CLEC16A: variants seen among roughly 807,000 people sequenced by gnomAD.
The protein encoded by CLEC16A is protein CLEC16A.
CLEC16A carries 51 observed loss-of-function variants against 109.5 expected under a neutral mutation model. The observed-to-expected ratio is 0.47, with a 90% CI of 0.37 to 0.59. The LOEUF (loss-of-function observed/expected upper bound fraction) is 0.59. Ranked by LOEUF, CLEC16A falls within the 20% of genes least tolerant of loss-of-function variation. The probability of loss-of-function intolerance (pLI) is 0.00; values close to 1 mark genes in which losing one functional copy is unlikely to be tolerated. For missense variants in CLEC16A, 1,339 were observed against 1,394.0 expected (o/e 0.96, Z 0.63); for synonymous variants, 673 against 564.2 (o/e 1.19, Z -2.73).
chr16:11,032,473 G>A (rs943096340), intron 13 of CLEC16A, among the ~76,000 whole-genome samples: 16 of 152,390 alleles, frequency 1.0e-4, no homozygotes, highest in South Asian at 6.2e-4. Flanking sequence ...CTTGCTGAGC[G>A]CTTGCCAGGG....
chr16:11,112,657 C>T (rs2051675905), intron 19 of CLEC16A, among the ~76,000 whole-genome samples: 1 of 152,136 alleles, frequency 6.6e-6, no homozygotes, highest in Non-Finnish European at 1.5e-5. Context: ...AGACCTATCT[C>T]AGTCAATACA....
At chr16:11,094,592 T>G (rs892960036) in intron 19 of CLEC16A, among the ~76,000 whole-genome samples, 2 of 152,240 alleles carry the variant, frequency 1.3e-5, no homozygotes, top group African/African-American at 4.8e-5. Flanking sequence ...GCTCCTTTCT[T>G]AAGAACTGAC....
At chr16:10,965,319 TTTTA>T (rs1224405678) in intron 3 of CLEC16A, among the ~76,000 whole-genome samples, 2 of 152,268 alleles carry the variant, frequency 1.3e-5, no homozygotes, top group Non-Finnish European at 2.9e-5. Flanking sequence ...AGACCTTTGC[TTTTA>T]TTTTTGTTTT....
rs2068264190 is a variant in CLEC16A at position 11,166,439 on chromosome 16, C to A, written c.2693C>A (p.Ser898Ter). 6.2e-7 allele frequency: 1 copy of A among 1,607,198 alleles called. No homozygotes were observed. Among genetic ancestry groups the A allele is most frequent in the African/African-American group, 1.3e-5 (1 of 74,934 alleles). ...CAGCACAGCTCCCCGTCCCTGTCCT[C>A]ACAGTCGCCACCCTCCGCCAGCGGG... ...INQHSSPSLS[S>*]QSPPSASGSP... The change falls in exon 23 of 24, where the codon TCA becomes TAA. Residue 898 changes from serine to a stop codon, truncating the protein, a stop_gained. Transcript: ENST00000409790. LOFTEE classifies it high-confidence loss of function.
intron 2 of CLEC16A, among the ~76,000 whole-genome samples, chr16:10,959,784 A>G (rs889069292): frequency 7.0e-6 from 1 of 142,006 alleles, no homozygotes; most frequent in Middle Eastern, 3.8e-3. Flanking sequence ...GAATGGACTT[A>G]TTTTTTTTTT....
chr16:11,097,143 C>T (rs181678927), intron 19 of CLEC16A, among the ~76,000 whole-genome samples: 2 of 152,270 alleles, frequency 1.3e-5, no homozygotes, highest in Admixed American at 6.5e-5. Context: ...ATGAGAACGG[C>T]GGTAACCTAA....
At chr16:11,082,431 G>A (rs893883946) in intron 19 of CLEC16A, among the ~76,000 whole-genome samples, 3 of 152,178 alleles carry the variant, frequency 2.0e-5, no homozygotes, top group African/African-American at 7.2e-5. Flanking sequence ...GAAAACAGGA[G>A]CCAGCCCACC....
intron 19 of CLEC16A, among the ~76,000 whole-genome samples, chr16:11,084,849 G>T (rs185787913): frequency 6.6e-6 from 1 of 152,170 alleles, no homozygotes; most frequent in East Asian, 1.9e-4. Flanking sequence ...AGAGGTAGCC[G>T]GGGCTGGGTG....
intron 19 of CLEC16A, among the ~76,000 whole-genome samples, chr16:11,064,883 C>T (rs919930142): frequency 1.3e-5 from 2 of 152,196 alleles, no homozygotes; most frequent in Admixed American, 1.3e-4. Flanking sequence ...TTAGTAGGTG[C>T]CCAGTGAGTG....
intron 11 of CLEC16A, among the ~76,000 whole-genome samples, chr16:11,011,157 A>G (rs910742255): frequency 2.0e-5 from 3 of 152,192 alleles, no homozygotes; most frequent in African/African-American, 2.4e-5. Flanking sequence ...GATCATACAG[A>G]TATTCAGCCC....
intron 11 of CLEC16A, among the ~76,000 whole-genome samples, chr16:11,014,396 A>G (rs1222739360): frequency 6.6e-6 from 1 of 152,248 alleles, no homozygotes; most frequent in African/African-American, 2.4e-5. Flanking sequence ...AAAGAATACT[A>G]CAGTAAATAT....
chr16:11,095,819 A>G (rs1393752251), intron 19 of CLEC16A, among the ~76,000 whole-genome samples: 1 of 39,690 alleles, frequency 2.5e-5, no homozygotes, highest in African/African-American at 1.9e-4. Flanking sequence ...CTCAAAAAGA[A>G]AAAAAAAAAA....
At chr16:11,096,978 C>T (rs2050641113) in intron 19 of CLEC16A, among the ~76,000 whole-genome samples, 1 of 152,112 alleles carries the variant, frequency 6.6e-6, no homozygotes, top group Non-Finnish European at 1.5e-5. Flanking sequence ...TTAGGAACCA[C>T]CATTTTAACA....
In CLEC16A at chr16:10,944,751, G is replaced by A; in HGVS notation, c.34G>A (p.Gly12Ser). The change falls in exon 1 of 24, where the codon GGC becomes AGC. Residue 12 changes from glycine (G) to serine (S), a missense_variant. This residue lies in a region of CLEC16A where 117 missense variants were observed against 120.2 expected (regional missense o/e 0.97). Coordinates refer to ENST00000409790, the MANE Select transcript of CLEC16A (RefSeq NM_015226.3). The stretch of plus-strand genomic sequence containing the variant: ...CCGCTCGCGGAGCTGGGTGGGCGGG[G>A]GCCATGGCAAGACTTCCCGCAACAT... The part of the protein sequence containing the change: ...FGRSRSWVGG[G>S]HGKTSRNIHS... 6.2e-7 allele frequency: 1 copy of A among 1,609,774 alleles called. No homozygotes were observed. Among genetic ancestry groups the A allele is most frequent in the African/African-American group, 1.3e-5 (1 of 74,984 alleles).
At chr16:10,977,466 C>T in intron 8 of CLEC16A, 67 bp downstream of exon 8, 1 of 1,400,444 alleles carries the variant, frequency 7.1e-7, no homozygotes, top group Non-Finnish European at 9.9e-7. Context: ...AGTCCCCAGT[C>T]CCCTGGAATG....
chr16:11,103,447 G>A (rs1351971550), intron 19 of CLEC16A, among the ~76,000 whole-genome samples: 1 of 152,178 alleles, frequency 6.6e-6, no homozygotes, highest in African/African-American at 2.4e-5. Context: ...AGGCGTGGTG[G>A]CGCATGCCTG....
chr16:10,987,057 T>C (rs1167117424), intron 10 of CLEC16A, among the ~76,000 whole-genome samples: 1 of 152,090 alleles, frequency 6.6e-6, no homozygotes, highest in Non-Finnish European at 1.5e-5. Context: ...GATTTTACCA[T>C]GTTGGCCAGG....
intron 13 of CLEC16A, among the ~76,000 whole-genome samples, chr16:11,028,887 A>G (rs929847222): frequency 1.3e-5 from 2 of 152,328 alleles, no homozygotes; most frequent in South Asian, 2.1e-4. Context: ...AGGTTCATTC[A>G]GCTTAAAATT....
chr16:11,153,823 A>T (rs147530445), intron 22 of CLEC16A, among the ~76,000 whole-genome samples: 2 of 152,312 alleles, frequency 1.3e-5, no homozygotes, highest in African/African-American at 4.8e-5. Flanking sequence ...AATGCATAAT[A>T]GCTAGGGTGA....
Sources: gnomAD v4.1 joint callset for allele counts (sites outside exome capture counted in the v4.1 genomes callset) on GRCh38, gnomAD v4.1.1 for gene constraint, gnomAD v4.1.1 regional missense constraint, MANE v1.5 for transcripts, NCBI Gene and HGNC (gene_info 2026-07-23, HGNC 2026-07-21) for gene names.